SPA17: variants seen among roughly 807,000 people sequenced by gnomAD.
The protein encoded by SPA17 is sperm autoantigenic protein 17, also known as sperm surface protein Sp17.
SPA17 carries 7 observed loss-of-function variants against 13.8 expected under a neutral mutation model. The ratio of observed to expected loss-of-function variants is 0.51; its 90% CI spans 0.29 to 0.95. The LOEUF (loss-of-function observed/expected upper bound fraction) is 0.95, where lower values mean the gene tolerates loss of function less well. Ranked by LOEUF, SPA17 falls within the 40% of genes least tolerant of loss-of-function variation. The pLI, the probability that SPA17 is intolerant of heterozygous loss-of-function variation, is 0.08. For missense variants in SPA17, 170 were observed against 179.3 expected, an observed-to-expected ratio of 0.95 and a Z score of 0.30; for synonymous variants, 61 against 59.0, an observed-to-expected ratio of 1.03 and a Z score of -0.16.
At chr11:124,675,601 A>G (rs1591401642) in intron 2 of SPA17, 183 bp downstream of exon 2, 1 of 572,420 alleles carries the variant, frequency 1.7e-6, no homozygotes, top group East Asian at 3.3e-5. Context: ...AATTCGTTTC[A>G]TATTATCGAA....
rs140613532 is a variant in SPA17, at chr11:124,682,708, A to G, written c.225+1249A>G. 7.8e-3 allele frequency among the ~76,000 whole-genome samples: 1,194 copies of G among 152,264 alleles called. 18 individuals are homozygous for G. Among genetic ancestry groups the G allele is most frequent in the African/African-American group, 0.026 (1,082 of 41,562 alleles). ...TCCAGTAAGACAAAAATAAAAAAGA[A>G]TAAACAAAGCCTTTAAGACATTTGG... On this transcript the variant is annotated intron_variant, in intron 3 of 4. Coordinates refer to ENST00000227135, the MANE Select transcript of SPA17 (RefSeq NM_017425.4).
intron 3 of SPA17, among the ~76,000 whole-genome samples, chr11:124,682,158 T>C (rs1294690053): frequency 2.6e-5 from 4 of 152,120 alleles, no homozygotes; most frequent in Non-Finnish European, 5.9e-5. Flanking sequence ...TCTAGAATGG[T>C]TCTGGTTAGG....
chr11:124,676,436 A>G (rs1943465152), intron 2 of SPA17: 1 of 152,266 alleles, frequency 6.6e-6, no homozygotes. Flanking sequence ...AGGCACAAGC[A>G]AACAAACATT....
chr11:124,691,169 CA>C (rs986724876), intron 3 of SPA17, among the ~76,000 whole-genome samples: 1 of 152,070 alleles, frequency 6.6e-6, no homozygotes, highest in Non-Finnish European at 1.5e-5. Flanking sequence ...ATAGCCATGT[CA>C]AAATAGGCAG....
At chr11:124,689,241 A>AT (rs1218218093) in intron 3 of SPA17, among the ~76,000 whole-genome samples, 1 of 152,234 alleles carries the variant, frequency 6.6e-6, no homozygotes, top group Admixed American at 6.5e-5. Flanking sequence ...ACTTTACTGG[A>AT]TATTGGTCTA....
At chr11:124,679,135 CAAAAA>C (rs1239970697) in intron 2 of SPA17, among the ~76,000 whole-genome samples, 1 of 66,802 alleles carries the variant, frequency 1.5e-5, no homozygotes, top group Non-Finnish European at 3.1e-5. Flanking sequence ...GACTCTGTCT[CAAAAA>C]AAAAAAAAAA....
rs1943528883 is a variant in SPA17 at position 124,681,422 on chromosome 11, AG to A, written c.190del (p.Val64Ter). Reference sequence around the variant, plus strand: ...TTTGATCCAGCAGAATGGGGGAGTAAGGTAGAAGACCGCTTCTATAACAATC... The same window carrying A: ...TTTGATCCAGCAGAATGGGGGAGTAAGTAGAAGACCGCTTCTATAACAATC... ...TNFDPAEWGS[K>X]VEDRFYNNHA... On this transcript the variant is annotated frameshift_variant, in exon 3 of 5. Coordinates refer to ENST00000227135, the MANE Select transcript of SPA17 (RefSeq NM_017425.4). LOFTEE classifies it high-confidence loss of function. 1.3e-6 allele frequency: 2 copies of A among 1,581,952 alleles called. No individual in the cohort carries two copies. The highest frequency in any genetic ancestry group is 4.6e-5 in the East Asian group (2 of 43,354).
chr11:124,676,816 T>C (rs1421046532), intron 2 of SPA17, among the ~76,000 whole-genome samples: 1 of 152,118 alleles, frequency 6.6e-6, no homozygotes, highest in African/African-American at 2.4e-5. Context: ...GGTGACAAAA[T>C]TGTCTCTACA....
At position 124,691,723 on chromosome 11, in the gene SPA17, C is replaced by T. The variant is rs749606845; in HGVS notation, c.253C>T (p.Pro85Ser). ...GCAAGAACCACCTGAGAAAAGTGAT[C>T]CTAAACAAGAAGAGTCTCAGATATC... ...EEQEPPEKSD[P>S]KQEESQISGK... The change falls in exon 4 of 5, where the codon CCT becomes TCT. Residue 85 changes from proline (P) to serine (S), a missense_variant. By Grantham distance (74) the Pro-to-Ser change is moderately conservative. Transcript: ENST00000227135. 1.2e-6 allele frequency: 2 copies of T among 1,612,118 alleles called. No individual in the cohort carries two copies. Among genetic ancestry groups the T allele is most frequent in the Non-Finnish European group, 1.7e-6 (2 of 1,179,260 alleles).
rs1943669356 is a variant in SPA17 at position 124,696,128 on chromosome 11, C to T, written c.*1682C>T. The T allele has an allele frequency of 6.6e-6, 1 of 152,268 alleles. No homozygotes were observed. Among genetic ancestry groups the T allele is most frequent in the Non-Finnish European group, 1.5e-5 (1 of 68,070 alleles). 9.4% of individuals were successfully genotyped at this position (152,268 alleles called of 1,614,324 possible). ...TAGAGAGTTTCATGCTAGCTAAACA[C>T]AAGTCTCTAATATCCCCCTTCCTCT... On this transcript the variant is annotated 3_prime_UTR_variant, in exon 5 of 5. Transcript: ENST00000227135.
intron 3 of SPA17, among the ~76,000 whole-genome samples, chr11:124,685,933 G>T (rs1943574062): frequency 6.6e-6 from 1 of 152,102 alleles, no homozygotes; most frequent in African/African-American, 2.4e-5. Flanking sequence ...AGGCTCATAG[G>T]CATAAGGAAC....
At chr11:124,674,553 T>G (rs1943433222) in intron 1 of SPA17, 1 of 152,234 alleles carries the variant, frequency 6.6e-6, no homozygotes, top group Admixed American at 6.5e-5. Context: ...GCAGCTACCC[T>G]TAATCTAGCC....
At chr11:124,687,837 T>C (rs1295087071) in intron 3 of SPA17, among the ~76,000 whole-genome samples, 3 of 152,016 alleles carry the variant, frequency 2.0e-5, no homozygotes, top group Non-Finnish European at 4.4e-5. Context: ...TTATACTGAA[T>C]GGGAAAAAGT....
intron 4 of SPA17, among the ~76,000 whole-genome samples, chr11:124,693,140 C>G (rs1943639139): frequency 6.6e-6 from 1 of 152,132 alleles, no homozygotes; most frequent in Non-Finnish European, 1.5e-5. Context: ...GAGTAGGGAT[C>G]TCATTGATTT....
chr11:124,692,397 G>T (rs747368907), intron 4 of SPA17, among the ~76,000 whole-genome samples: 26 of 151,962 alleles, frequency 1.7e-4, no homozygotes, highest in Non-Finnish European at 2.8e-4. Context: ...TGGCTAACAC[G>T]GTGAAACCCC....
rs1304898901 is a variant in SPA17, at chr11:124,675,398, G to A, written c.134G>A (p.Ser45Asn). Residue 45 changes from serine to asparagine, a missense_variant, in exon 2 of 5, where the codon AGC becomes AAC. Coordinates refer to ENST00000227135, the MANE Select transcript of SPA17 (RefSeq NM_017425.4). ...IPAFAAAYFESLLEKREKTNF... is the reference protein window; with the variant it reads ...IPAFAAAYFENLLEKREKTNF... The stretch of plus-strand genomic sequence containing the variant: ...GCTTTTGCAGCAGCCTATTTTGAGA[G>A]CCTTCTAGAGAAAAGAGAGAGTAAG... The A allele has an allele frequency of 6.2e-7, 1 of 1,611,400 alleles. No homozygotes were observed. Among genetic ancestry groups the A allele is most frequent in the Non-Finnish European group, 8.5e-7 (1 of 1,179,404 alleles).
chr11:124,679,414 A>G (rs1045351471), intron 2 of SPA17, among the ~76,000 whole-genome samples: 1 of 152,180 alleles, frequency 6.6e-6, no homozygotes, highest in African/African-American at 2.4e-5. Flanking sequence ...AGAACAAAGC[A>G]AGTAAGCAAC....
intron 2 of SPA17, among the ~76,000 whole-genome samples, chr11:124,677,707 A>G (rs746685922): frequency 1.7e-4 from 26 of 152,304 alleles, no homozygotes; most frequent in Non-Finnish European, 3.2e-4. Context: ...CAAAACTACA[A>G]AAGACAAACA....
chr11:124,681,027 G>A (rs545685578), intron 2 of SPA17, among the ~76,000 whole-genome samples: 1 of 151,826 alleles, frequency 6.6e-6, no homozygotes, highest in African/African-American at 2.4e-5. Flanking sequence ...TGACAACTTA[G>A]CATTTAGGTT....
Sources: allele counts gnomAD v4.1 joint callset (sites outside exome capture counted in the v4.1 genomes callset), GRCh38; gene constraint gnomAD v4.1.1; transcripts MANE v1.5; gene names NCBI Gene and HGNC (gene_info 2026-07-23, HGNC 2026-07-21).